PTTG1IP2: variants seen among roughly 807,000 people sequenced by gnomAD.
The protein encoded by PTTG1IP2 is PTTG1IP family member 2.
intron 2 of PTTG1IP2, among the ~76,000 whole-genome samples, chr7:90,480,210 T>C (rs557924961): frequency 1.1e-4 from 16 of 152,294 alleles, no homozygotes; most frequent in African/African-American, 3.6e-4. Context: ...ACAATCTACA[T>C]TGGCTCTTAC....
chr7:90,477,941 C>T (rs1431202488), intron 1 of PTTG1IP2, among the ~76,000 whole-genome samples: 1 of 151,152 alleles, frequency 6.6e-6, no homozygotes, highest in Non-Finnish European at 1.5e-5. Flanking sequence ...ACTGAAAATA[C>T]AAAAAATTAG....
intron 6 of PTTG1IP2, among the ~76,000 whole-genome samples, chr7:90,505,603 G>A (rs1035803723): frequency 6.6e-5 from 10 of 152,190 alleles, no homozygotes; most frequent in African/African-American, 2.4e-4. Flanking sequence ...GAGTGAGTAT[G>A]AGTGGCAGAA....
At chr7:90,492,754 C>A (rs1174060893) in intron 5 of PTTG1IP2, among the ~76,000 whole-genome samples, 2 of 152,302 alleles carry the variant, frequency 1.3e-5, no homozygotes, top group Non-Finnish European at 2.9e-5. Context: ...GCTACCCCAA[C>A]TCGCACTCCA....
At chr7:90,479,937 C>G (rs1177951170) in intron 2 of PTTG1IP2, among the ~76,000 whole-genome samples, 1 of 152,174 alleles carries the variant, frequency 6.6e-6, no homozygotes, top group Non-Finnish European at 1.5e-5. Context: ...GATATACACC[C>G]TCTGCCCTGT....
In PTTG1IP2 at chr7:90,497,713, T is replaced by TAAAAAAAAAAAAAAAAAAA. The variant is rs1491565834; in HGVS notation, c.*50+3284_*50+3285insAAAAAAAAAAAAAAAAAAA. On this transcript the variant is annotated intron_variant, in intron 6 of 6. Coordinates refer to ENST00000509356, the MANE Select transcript of PTTG1IP2 (RefSeq NM_001365443.2). The stretch of plus-strand genomic sequence containing the variant: ...GCCTGAGCGACAGAGAAAGACCCTG[T>TAAAAAAAAAAAAAAAAAAA]ATAAAAAAAAAAAAAAAAAAAAAAA... 3.2e-4 allele frequency among the ~76,000 whole-genome samples: 16 copies of TAAAAAAAAAAAAAAAAAAA among 49,594 alleles called. 5 individuals are homozygous for TAAAAAAAAAAAAAAAAAAA. The highest frequency in any genetic ancestry group is 1.5e-3 in the East Asian group (2 of 1,320). The allele number at this position is 49,594 out of a possible 152,430, so 32.5% of individuals were successfully genotyped here.
intron 1 of PTTG1IP2, among the ~76,000 whole-genome samples, chr7:90,475,428 A>G (rs746632034): frequency 6.6e-6 from 1 of 152,238 alleles, no homozygotes; most frequent in Non-Finnish European, 1.5e-5. Context: ...ACAAGAACAG[A>G]CTATTCTGGA....
chr7:90,481,808 A>G (rs964958239), intron 2 of PTTG1IP2, among the ~76,000 whole-genome samples: 1 of 151,858 alleles, frequency 6.6e-6, no homozygotes, highest in South Asian at 2.1e-4. Flanking sequence ...TTTTTTATTC[A>G]TCTTTGTATC....
chr7:90,501,887 T>C (rs1798065779), intron 6 of PTTG1IP2, among the ~76,000 whole-genome samples: 2 of 152,256 alleles, frequency 1.3e-5, no homozygotes, highest in African/African-American at 2.4e-5. Flanking sequence ...CATGTGATGC[T>C]GTTTGATAGC....
intron 2 of PTTG1IP2, among the ~76,000 whole-genome samples, chr7:90,481,412 C>G (rs1259302886): frequency 6.6e-6 from 1 of 152,140 alleles, no homozygotes; most frequent in African/African-American, 2.4e-5. Flanking sequence ...TGCATGAATA[C>G]AGCTACAAAG....
chr7:90,480,999 G>T (rs1584692367), intron 2 of PTTG1IP2, among the ~76,000 whole-genome samples: 1 of 152,212 alleles, frequency 6.6e-6, no homozygotes, highest in East Asian at 1.9e-4. Flanking sequence ...CTGATAATTA[G>T]ATATAAAGGC....
At chr7:90,492,354 G>C (rs1461482537) in intron 5 of PTTG1IP2, 45 bp downstream of exon 5, 1 of 152,118 alleles carries the variant, frequency 6.6e-6, no homozygotes, top group Non-Finnish European at 1.5e-5. Flanking sequence ...GACTCCTTCA[G>C]TAACAGCTTG....
chr7:90,482,515 CA>C (rs1276651710), intron 2 of PTTG1IP2, among the ~76,000 whole-genome samples: 1 of 149,006 alleles, frequency 6.7e-6, no homozygotes, highest in South Asian at 2.2e-4. Flanking sequence ...ACCCCCCCCC[CA>C]CACAACTCAT....
chr7:90,507,475 A>G (rs995443061), intron 6 of PTTG1IP2, among the ~76,000 whole-genome samples: 1 of 152,168 alleles, frequency 6.6e-6, no homozygotes, highest in African/African-American at 2.4e-5. Context: ...GAAAAATAAT[A>G]ACCATTTTTC....
At chr7:90,492,714 A>G (rs1797952458) in intron 5 of PTTG1IP2, among the ~76,000 whole-genome samples, 1 of 152,114 alleles carries the variant, frequency 6.6e-6, no homozygotes, top group Admixed American at 6.6e-5. Flanking sequence ...AAATTTTCCA[A>G]CCCAGTCGGA....
intron 2 of PTTG1IP2, among the ~76,000 whole-genome samples, chr7:90,480,797 CT>C (rs2116058992): frequency 6.6e-6 from 1 of 152,012 alleles, no homozygotes; most frequent in South Asian, 2.1e-4. Context: ...TCCCTTCTCC[CT>C]TTTTATTTTG....
chr7:90,501,092 G>A (rs1798056080), intron 6 of PTTG1IP2, among the ~76,000 whole-genome samples: 1 of 152,024 alleles, frequency 6.6e-6, no homozygotes, highest in African/African-American at 2.4e-5. Flanking sequence ...GCAGAGATTG[G>A]GCCACATATG....
chr7:90,475,649 T>G (rs1040075614), intron 1 of PTTG1IP2, among the ~76,000 whole-genome samples: 1 of 152,044 alleles, frequency 6.6e-6, no homozygotes, highest in Non-Finnish European at 1.5e-5. Flanking sequence ...AGGAACTAAT[T>G]AAAGAAAAAT....
intron 5 of PTTG1IP2, among the ~76,000 whole-genome samples, chr7:90,492,868 C>T (rs530192730): frequency 1.3e-5 from 2 of 152,224 alleles, no homozygotes; most frequent in African/African-American, 2.4e-5. Flanking sequence ...ACCTCCTATC[C>T]GCTCTCCTCA....
chr7:90,491,580 A>G (rs971294210), intron 4 of PTTG1IP2, among the ~76,000 whole-genome samples: 2 of 151,434 alleles, frequency 1.3e-5, no homozygotes, highest in Non-Finnish European at 2.9e-5. Flanking sequence ...CTGAGATCAC[A>G]CCACTGCACC....
Sources: gnomAD v4.1 joint callset for allele counts (sites outside exome capture counted in the v4.1 genomes callset) on GRCh38, gnomAD v4.1.1 for gene constraint, MANE v1.5 for transcripts, NCBI Gene and HGNC (gene_info 2026-07-23, HGNC 2026-07-21) for gene names.